The following EDARADD variants were observed in gnomAD, a reference collection of about 807,000 sequenced individuals.
EDARADD encodes the protein EDAR associated via death domain, also known as ectodysplasin-A receptor-associated adapter protein.
A neutral mutation model predicts 25.6 loss-of-function variants in EDARADD; 20 were observed. The ratio of observed to expected loss-of-function variants is 0.78; its 90% CI spans 0.55 to 1.14. EDARADD has a LOEUF of 1.14. Among genes scored for constraint, EDARADD ranks in the 50% most tolerant of loss-of-function variants. The pLI is 0.00. For synonymous variants in EDARADD, 86 were observed against 94.4 expected (o/e 0.91, Z 0.52); for missense variants, 225 against 270.1 (o/e 0.83, Z 1.17).
At chr1:236,357,696 C>T (rs1406128511) in intron 3 of EDARADD, among the ~76,000 whole-genome samples, 5 of 151,686 alleles carry the variant, frequency 3.3e-5, no homozygotes, top group Admixed American at 6.6e-5. Context: ...CCAGATCTCC[C>T]GAGACCTCAC....
intron 4 of EDARADD, among the ~76,000 whole-genome samples, chr1:236,431,563 C>A (rs542670917): frequency 6.6e-6 from 1 of 152,308 alleles, no homozygotes; most frequent in South Asian, 2.1e-4. Flanking sequence ...AGGATATACT[C>A]TAAGACCAAT....
At chr1:236,399,957 G>A (rs1352207167) in intron 1 of EDARADD, among the ~76,000 whole-genome samples, 1 of 152,188 alleles carries the variant, frequency 6.6e-6, no homozygotes, top group African/African-American at 2.4e-5. Flanking sequence ...ATGGGTCCAA[G>A]GTGGCAACCT....
In EDARADD at chr1:236,439,133, T is replaced by C. The variant is rs566701314; in HGVS notation, c.219+11683T>C. Reference sequence around the variant, plus strand: ...ACCTTTTCAGATTGGCTTCTTTCCCTTAGTAATATGAATTTAAGTTTTCTT... The same window carrying C: ...ACCTTTTCAGATTGGCTTCTTTCCCCTAGTAATATGAATTTAAGTTTTCTT... On this transcript the variant is annotated intron_variant, in intron 4 of 5. Coordinates refer to ENST00000334232, the MANE Select transcript of EDARADD (RefSeq NM_145861.4). 4.8e-4 allele frequency among the ~76,000 whole-genome samples: 73 copies of C among 152,366 alleles called. 1 individual carries two copies. The South Asian group carries it at 0.015, about 31-fold the overall frequency.
chr1:236,362,998 A>ATATATATATATATATAT (rs1667068565), intron 3 of EDARADD, among the ~76,000 whole-genome samples: 4 of 58,130 alleles, frequency 6.9e-5, no homozygotes, highest in Non-Finnish European at 1.3e-4. Flanking sequence ...AAAAAAAAAA[A>ATATATATATATATATAT]AAAAAAAAAT....
chr1:236,349,543 G>A (rs1666890026), intron 2 of EDARADD, among the ~76,000 whole-genome samples: 1 of 151,976 alleles, frequency 6.6e-6, no homozygotes, highest in African/African-American at 2.4e-5. Flanking sequence ...GCGGGGTGGC[G>A]GGGGTGGGGG....
At chr1:236,464,641 C>T (rs1659138911) in intron 4 of EDARADD, among the ~76,000 whole-genome samples, 1 of 151,884 alleles carries the variant, frequency 6.6e-6, no homozygotes, top group Non-Finnish European at 1.5e-5. Context: ...CCATGTTGGC[C>T]AGGCTTCTCT....
intron 1 of EDARADD, among the ~76,000 whole-genome samples, chr1:236,408,998 C>T (rs931164828): frequency 6.6e-6 from 1 of 151,214 alleles, no homozygotes; most frequent in African/African-American, 2.4e-5. Context: ...CTCAAGTGAT[C>T]CACCCGCCTT....
At chr1:236,413,379 G>C (rs575886343) in intron 2 of EDARADD, among the ~76,000 whole-genome samples, 1 of 152,252 alleles carries the variant, frequency 6.6e-6, no homozygotes, top group East Asian at 1.9e-4. Context: ...CCCAGGAAAG[G>C]CACTTAAAAC....
At position 236,475,338 on chromosome 1, in the gene EDARADD, C is replaced by T. The variant is rs1365284202; in HGVS notation, c.266-6929C>T. Among the ~76,000 whole-genome samples the T allele has an allele frequency of 2.0e-5, 3 of 152,130 alleles. No homozygotes were observed. In the East Asian group the frequency reaches 5.8e-4, roughly 29 times the overall value. On this transcript the variant is annotated intron_variant, in intron 5 of 5. Transcript: ENST00000334232. ...CAAAATGTATTTGATAGGAGAAAAC[C>T]TTGTTTGCTCTGTGTTAAGTCCTCC...
chr1:236,443,836 T>C (rs1442304442), intron 4 of EDARADD, among the ~76,000 whole-genome samples: 1 of 152,200 alleles, frequency 6.6e-6, no homozygotes, highest in Non-Finnish European at 1.5e-5. Flanking sequence ...CTTGAGAGAA[T>C]TGACTTCAAT....
chr1:236,446,592 C>T (rs532392426), intron 4 of EDARADD, among the ~76,000 whole-genome samples: 10 of 152,002 alleles, frequency 6.6e-5, no homozygotes, highest in African/African-American at 1.9e-4. Context: ...CTTCTTAAGT[C>T]TTGACCAGCA....
At chr1:236,426,981 A>G (rs957191659) in intron 3 of EDARADD, among the ~76,000 whole-genome samples, 1 of 152,072 alleles carries the variant, frequency 6.6e-6, no homozygotes, top group African/African-American at 2.4e-5. Context: ...TCCTGAGTTC[A>G]AGTGATTCTC....
rs555128113 is a variant in EDARADD at position 236,469,858 on chromosome 1, C to T, written c.265+1582C>T. ...TTGCCTAGGCTGGAGTGCAATGGTG[C>T]GCCACCACGCCCGGCTAATTTTTGT... On this transcript the variant is annotated intron_variant, in intron 5 of 5. Coordinates refer to ENST00000334232, the MANE Select transcript of EDARADD (RefSeq NM_145861.4). 8.8e-4 allele frequency among the ~76,000 whole-genome samples: 133 copies of T among 151,916 alleles called. No individual in the cohort carries two copies. In the South Asian group the frequency reaches 0.028, roughly 31 times the overall value.
intron 4 of EDARADD, among the ~76,000 whole-genome samples, chr1:236,430,845 C>T (rs1328676816): frequency 1.3e-5 from 2 of 152,136 alleles, no homozygotes; most frequent in Non-Finnish European, 2.9e-5. Context: ...AGGCCGAGCT[C>T]GGTGGCTCAC....
rs1346326713 is a variant in EDARADD at position 236,398,538 on chromosome 1, C to T, written c.61+4033C>T. Among the ~76,000 whole-genome samples the T allele has an allele frequency of 6.6e-6, 1 of 152,274 alleles. No homozygotes were observed. Among genetic ancestry groups the T allele is most frequent in the East Asian group, 1.9e-4 (1 of 5,206 alleles). On this transcript the variant is annotated intron_variant, in intron 1 of 5. Coordinates refer to ENST00000334232, the MANE Select transcript of EDARADD (RefSeq NM_145861.4). The surrounding 1 kb of genome is among the most constrained non-coding windows in gnomAD (Gnocchi z 4.1). ...CAATCAATCCCTACCTGTTCCTTCACTTGCCTCACCTGACACCTAGCTTGA... is the reference window on the plus strand; with the variant it reads ...CAATCAATCCCTACCTGTTCCTTCATTTGCCTCACCTGACACCTAGCTTGA...
rs184637737 is a variant in EDARADD, at chr1:236,448,486, G to A, written c.220-19745G>A. Among the ~76,000 whole-genome samples, 187 of 152,270 alleles carry A rather than the reference G, an allele frequency of 1.2e-3. 1 individual carries two copies. The highest frequency in any genetic ancestry group is 4.3e-3 in the African/African-American group (179 of 41,552). ...CCACAATGACAGCCCCAGCTGCTGG[G>A]GAAGAGCATGAGAGAGCATATTCCC... On this transcript the variant is annotated intron_variant, in intron 4 of 5. Transcript: ENST00000334232.
intron 4 of EDARADD, among the ~76,000 whole-genome samples, chr1:236,452,089 A>C (rs1412665369): frequency 6.6e-6 from 1 of 152,190 alleles, no homozygotes; most frequent in African/African-American, 2.4e-5. Flanking sequence ...TTCCAGTGGC[A>C]GAAAGGTTGG....
upstream of EDARADD, among the ~76,000 whole-genome samples, chr1:236,389,920 G>A (rs1008246798): frequency 1.3e-5 from 2 of 152,136 alleles, no homozygotes; most frequent in Non-Finnish European, 2.9e-5. Flanking sequence ...GAGGTGGAGG[G>A]ACTGCTTGAA....
At chr1:236,362,644 T>TTC (rs908860097) in intron 3 of EDARADD, among the ~76,000 whole-genome samples, 20 of 152,174 alleles carry the variant, frequency 1.3e-4, no homozygotes, top group Non-Finnish European at 2.4e-4. Flanking sequence ...ACCAAGGGTT[T>TTC]TCTCCTTTGC....
Sources: allele counts gnomAD v4.1 joint callset (sites outside exome capture counted in the v4.1 genomes callset), GRCh38; gene constraint gnomAD v4.1.1; non-coding constraint Gnocchi (gnomAD v3.1); transcripts MANE v1.5; gene names NCBI Gene and HGNC (gene_info 2026-07-23, HGNC 2026-07-21).